Variants in LATS1 observed in about 807,000 individuals in gnomAD.
LATS1 encodes the protein large tumor suppressor kinase 1, also known as serine/threonine-protein kinase LATS1.
In LATS1, 25 loss-of-function variants were observed where a neutral mutation model predicts 106.6. The ratio of observed to expected loss-of-function variants is 0.23; its 90% CI spans 0.17 to 0.33. The LOEUF is 0.33. LATS1 is among the 10% of genes least tolerant of loss of function. The probability of loss-of-function intolerance (pLI) is 1.00; values close to 1 mark genes in which losing one functional copy is unlikely to be tolerated. For missense variants in LATS1, 1,040 were observed against 1,382.6 expected, an observed-to-expected ratio of 0.75 and a Z score of 3.93; for synonymous variants, 465 against 455.6, an observed-to-expected ratio of 1.02 and a Z score of -0.26.
intron 1 of LATS1, among the ~76,000 whole-genome samples, chr6:149,711,972 C>G (rs916063987): frequency 5.3e-5 from 8 of 151,370 alleles, no homozygotes; most frequent in Admixed American, 1.3e-4. Context: ...CAGTGAGTGA[C>G]AGAGAGAGAG....
chr6:149,713,840 A>G (rs1441874273), intron 1 of LATS1, among the ~76,000 whole-genome samples: 2 of 152,012 alleles, frequency 1.3e-5, no homozygotes, highest in East Asian at 3.9e-4. Context: ...TTGTATTTTT[A>G]GTAGAGATGG....
At chr6:149,716,409 G>A (rs1481409948) in intron 1 of LATS1, 1 of 152,196 alleles carries the variant, frequency 6.6e-6, no homozygotes, top group Non-Finnish European at 1.5e-5. Flanking sequence ...GTATCTTCAT[G>A]CTGAAAAATG....
At position 149,661,277 on chromosome 6, in the gene LATS1, A is replaced by C; in HGVS notation, c.*452T>G. 4.3e-6 allele frequency: 1 copy of C among 233,044 alleles called. No individual in the cohort carries two copies. The highest frequency in any genetic ancestry group is 8.5e-6 in the Non-Finnish European group (1 of 118,094). The allele number at this position is 233,044 out of a possible 1,614,324, so 14.4% of individuals were successfully genotyped here. A position where few individuals can be genotyped will look rare whatever the true frequency, so the allele number is the denominator to read the frequency against. On this transcript the variant is annotated 3_prime_UTR_variant, in exon 8 of 8. Transcript: ENST00000543571. Reference sequence around the variant, plus strand: ...ATTTCTCTAGCTTATTTTCTACCAAAAACAAGGTTATGAGGGGAAAAAAGA... The same window carrying C: ...ATTTCTCTAGCTTATTTTCTACCAACAACAAGGTTATGAGGGGAAAAAAGA...
chr6:149,697,282 A>G (rs1226043820), intron 2 of LATS1: 3 of 569,446 alleles, frequency 5.3e-6, no homozygotes, highest in Non-Finnish European at 8.8e-6. Flanking sequence ...CCTTTCTTAG[A>G]AAAAGTTACT....
chr6:149,707,508 G>C (rs1167160921), intron 1 of LATS1, among the ~76,000 whole-genome samples: 1 of 152,044 alleles, frequency 6.6e-6, no homozygotes, highest in Non-Finnish European at 1.5e-5. Flanking sequence ...AACATTTCAT[G>C]AGATTTACAT....
rs545671566 is a variant in LATS1, at chr6:149,712,261, G to A, written c.-141+5588C>T. 5.3e-5 allele frequency among the ~76,000 whole-genome samples: 8 copies of A among 152,138 alleles called. No individual in the cohort carries two copies. In the South Asian group the frequency reaches 8.3e-4, roughly 16 times the overall value. On this transcript the variant is annotated intron_variant, in intron 1 of 7. Transcript: ENST00000543571. ...TGCCCAGGCTGGAGTGCAATGGCGC[G>A]ATCTTGGCTCACCGCAACCTCCACC... is the stretch of plus-strand genomic sequence containing the variant.
In LATS1 at chr6:149,683,702, T is replaced by C; in HGVS notation, c.1387A>G (p.Asn463Asp). The C allele has an allele frequency of 6.2e-7, 1 of 1,614,146 alleles. No homozygotes were observed. The highest frequency in any genetic ancestry group is 1.1e-5 in the South Asian group (1 of 91,088). Reference protein sequence around the residue: ...TWQPNIPVRSNSFNNPLGNRA... With the variant: ...TWQPNIPVRSDSFNNPLGNRA... Reference sequence around the variant, plus strand: ...TTTCCTAATGGGTTATTAAAAGAATTTGACCTCACTGGTATGTTAGGTTGC... The same window carrying C: ...TTTCCTAATGGGTTATTAAAAGAATCTGACCTCACTGGTATGTTAGGTTGC... The change falls in exon 4 of 8, where the codon AAT becomes GAT. Residue 463 changes from asparagine (N) to aspartate (D), a missense_variant. Around this residue, in one of 7 missense-constraint regions of LATS1, gnomAD observed 624 missense variants for 714.8 expected, o/e 0.87. Transcript: ENST00000543571.
At position 149,679,939 on chromosome 6, in the gene LATS1, T is replaced by C; in HGVS notation, c.2529A>G (p.Lys843=). 1 of 1,613,946 alleles carries C rather than the reference T, an allele frequency of 6.2e-7. No homozygotes were observed. The highest frequency in any genetic ancestry group is 8.5e-7 in the Non-Finnish European group (1 of 1,179,880). The change falls in exon 5 of 8, where the codon AAA becomes AAG. Residue 843 remains lysine (K), a synonymous_variant. Transcript: ENST00000543571. ...CAGTGCAGAGGCCAAAGTCAGTCAA[T>C]TTAATATGACCATCACGATCAATCA... is the stretch of plus-strand genomic sequence containing the variant. The part of the protein sequence containing the change: ...NILIDRDGHI[K]LTDFGLCTGF...
intron 5 of LATS1, among the ~76,000 whole-genome samples, 166 bp from the exon 6 acceptor site, chr6:149,676,903 C>T (rs1781755916): frequency 1.3e-5 from 2 of 152,018 alleles, no homozygotes; most frequent in Non-Finnish European, 2.9e-5. Context: ...CCAATTAGAG[C>T]CTATTTTCTG....
In LATS1 at chr6:149,686,463, G is replaced by C. The variant is rs535240656; in HGVS notation, c.497-1871C>G. Among the ~76,000 whole-genome samples, 3 of 152,082 alleles carry C rather than the reference G, an allele frequency of 2.0e-5. No homozygotes were observed. In the South Asian group the frequency reaches 6.2e-4, roughly 32 times the overall value. On this transcript the variant is annotated intron_variant, in intron 3 of 7. Transcript: ENST00000543571. The stretch of plus-strand genomic sequence containing the variant: ...AGCTCTCCATGTTCTTCCACTTCCC[G>C]AACCTTTCCACCATGCCCTCCGGAT...
intron 7 of LATS1, among the ~76,000 whole-genome samples, chr6:149,674,512 C>T (rs916287260): frequency 2.0e-5 from 3 of 151,774 alleles, no homozygotes; most frequent in African/African-American, 7.3e-5. Context: ...GCTAGGACCA[C>T]AAATATGCAT....
At chr6:149,690,652 TCCC>T (rs2114875042) in intron 3 of LATS1, among the ~76,000 whole-genome samples, 1 of 151,506 alleles carries the variant, frequency 6.6e-6, no homozygotes, top group East Asian at 1.9e-4. Flanking sequence ...GTACAAGCAA[TCCC>T]CCCAACTCAG....
intron 7 of LATS1, among the ~76,000 whole-genome samples, chr6:149,667,344 G>A (rs182902666): frequency 6.8e-6 from 1 of 147,556 alleles, no homozygotes; most frequent in East Asian, 2.1e-4. Flanking sequence ...TGAGGTGGAA[G>A]GATCACTTGA....
At chr6:149,713,914 C>T (rs2115028980) in intron 1 of LATS1, among the ~76,000 whole-genome samples, 1 of 152,204 alleles carries the variant, frequency 6.6e-6, no homozygotes, top group East Asian at 1.9e-4. Flanking sequence ...CCTGCCTCGG[C>T]CTCCCGAAGT....
At chr6:149,691,488 G>C (rs187852169) in intron 3 of LATS1, among the ~76,000 whole-genome samples, 98 of 152,214 alleles carry the variant, frequency 6.4e-4, no homozygotes, top group African/African-American at 1.8e-3. Flanking sequence ...TTATTTTTTA[G>C]CTCTCATCTT....
chr6:149,680,044 G>A lies in LATS1; in HGVS notation c.2424C>T (p.Tyr808=). 6.2e-7 allele frequency: 1 copy of A among 1,613,998 alleles called. No homozygotes were observed. Among genetic ancestry groups the A allele is most frequent in the Non-Finnish European group, 8.5e-7 (1 of 1,179,968 alleles). ...CAACTGCACAGGTAAGTTCTGCTAT[G>A]TAGAATCGTGCCAGACTTTCTGGAA... ...GIFPESLARF[Y]IAELTCAVES... The change falls in exon 5 of 8, where the codon TAC becomes TAT. Residue 808 remains tyrosine (Y), a synonymous_variant. Transcript: ENST00000543571.
intron 7 of LATS1, among the ~76,000 whole-genome samples, chr6:149,669,764 A>AAAAAGAAG (rs1165384462): frequency 6.6e-6 from 1 of 151,944 alleles, no homozygotes; most frequent in East Asian, 1.9e-4. Flanking sequence ...GTCAAAAGGA[A>AAAAAGAAG]AAAAGAAGAA....
intron 1 of LATS1, among the ~76,000 whole-genome samples, chr6:149,704,884 TTATAC>T (rs1194650264): frequency 0.021 from 1,514 of 71,546 alleles, 7 homozygotes; most frequent in South Asian, 0.044. Flanking sequence ...TAGAAATTAA[TTATAC>T]ACACACACAC....
At chr6:149,687,040 C>T (rs1782413858) in intron 3 of LATS1, among the ~76,000 whole-genome samples, 1 of 152,104 alleles carries the variant, frequency 6.6e-6, no homozygotes, top group South Asian at 2.1e-4. Context: ...ACTCCTACTG[C>T]AAAAGTTTTT....
Sources: allele counts gnomAD v4.1 joint callset (sites outside exome capture counted in the v4.1 genomes callset), GRCh38; gene constraint gnomAD v4.1.1; regional missense constraint gnomAD v4.1.1; transcripts MANE v1.5; gene names NCBI Gene and HGNC (gene_info 2026-07-23, HGNC 2026-07-21).